The following WNK2 variants were observed in gnomAD, a reference collection of about 807,000 sequenced individuals.
WNK2 encodes serine/threonine-protein kinase WNK2.
WNK2 carries 67 observed loss-of-function variants against 192.1 expected under a neutral mutation model. The observed-to-expected ratio is 0.35, with a 90% CI of 0.29 to 0.43. The LOEUF is 0.43. WNK2 is among the 20% of genes least tolerant of loss of function. The pLI is 1.00. For synonymous variants in WNK2, 1,439 were observed against 1,393.9 expected (o/e 1.03, Z -0.72); for missense variants, 2,698 against 3,089.7 (o/e 0.87, Z 3.01).
chr9:93,308,357 C>T lies in WNK2; in HGVS notation c.6289C>T (p.Pro2097Ser), dbSNP rs771885881. ...CTCCACCAGCAGCCTGGCCCCAGGC[C>T]CTGAGCCAGGCCCCCAGCCCGCCCT... ...RSSTSSLAPG[P>S]EPGPQPALHV... The change falls in exon 28 of 30, where the codon CCT (proline) becomes TCT (serine). Residue 2097 changes from proline to serine, a missense_variant. Transcript: ENST00000427277. The T allele has an allele frequency of 1.3e-6, 2 of 1,556,554 alleles. No homozygotes were observed. The highest frequency in any genetic ancestry group is 2.4e-5 in the South Asian group (2 of 84,346).
Position 93,288,800 on chromosome 9 carries a change from A to G in WNK2, c.4046A>G (p.Tyr1349Cys), listed in dbSNP as rs750482436. The change falls in exon 20 of 30, where the codon TAT becomes TGT. Residue 1349 changes from tyrosine to cysteine, a missense_variant. By Grantham distance (194) the Tyr-to-Cys change is radical (BLOSUM62 -2). Coordinates refer to ENST00000427277, the MANE Select transcript of WNK2 (RefSeq NM_006648.4). Reference sequence around the variant, plus strand: ...CCATTTCTTCTAGATTCAGCGCCCTATAAAGACCAGCTGTCCTCGAAGGAA... The same window carrying G: ...CCATTTCTTCTAGATTCAGCGCCCTGTAAAGACCAGCTGTCCTCGAAGGAA... The part of the protein sequence containing the change: ...PPEASQDSAP[Y>C]KDQLSSKEQP... The G allele has an allele frequency of 1.7e-5, 28 of 1,611,116 alleles. No individual in the cohort carries two copies. Among genetic ancestry groups the G allele is most frequent in the Non-Finnish European group, 2.4e-5 (28 of 1,179,188 alleles).
At chr9:93,197,554 T>A (rs1244040417) in intron 2 of WNK2, among the ~76,000 whole-genome samples, 1 of 151,830 alleles carries the variant, frequency 6.6e-6, no homozygotes, top group Admixed American at 6.6e-5. Context: ...CTTGAGGGAG[T>A]CTTGCTCTGT....
intron 19 of WNK2, among the ~76,000 whole-genome samples, chr9:93,273,453 T>C (rs958355706): frequency 6.6e-6 from 1 of 152,126 alleles, no homozygotes. Context: ...TGTGCCCGGC[T>C]GACATTACGT....
intron 26 of WNK2, 199 bp downstream of exon 26, chr9:93,300,348 C>CA: frequency 1.9e-6 from 1 of 535,564 alleles, no homozygotes; most frequent in South Asian, 2.3e-5. Context: ...CCCCAAGCCC[C>CA]ACACAGCGTG....
Position 93,297,937 on chromosome 9 carries a change from C to T in WNK2, c.5793C>T (p.Pro1931=), listed in dbSNP as rs1471771992. Residue 1931 remains proline, a synonymous_variant, in exon 24 of 30, where the codon CCC becomes CCT. Transcript: ENST00000427277. ...ACCGCCGCCTGGGCAAGCCACTGCC[C>T]CCCAACGTGGGCTTCTTCCACACGG... ...ALYRRLGKPL[P]PNVGFFHTAP... is the part of the protein sequence containing the mutation. 6.3e-7 allele frequency: 1 copy of T among 1,588,992 alleles called. No homozygotes were observed.
chr9:93,264,919 A>G (rs1018670570), intron 16 of WNK2, among the ~76,000 whole-genome samples: 1 of 152,238 alleles, frequency 6.6e-6, no homozygotes, highest in East Asian at 1.9e-4. Flanking sequence ...TGCATTGCAC[A>G]TCATCAGAAA....
At chr9:93,303,481 C>G (rs894382254) in intron 26 of WNK2, among the ~76,000 whole-genome samples, 4 of 152,166 alleles carry the variant, frequency 2.6e-5, no homozygotes, top group African/African-American at 9.7e-5. Flanking sequence ...CTGCACGATG[C>G]CTTCTAGGCC....
chr9:93,227,588 T>C (rs1838034904), intron 2 of WNK2, among the ~76,000 whole-genome samples: 1 of 152,234 alleles, frequency 6.6e-6, no homozygotes, highest in Non-Finnish European at 1.5e-5. Context: ...ACAGGAGTTC[T>C]CTATACATTT....
chr9:93,185,652 G>A (rs1430943648), intron 2 of WNK2, 42 bp downstream of exon 2: 1 of 1,576,642 alleles, frequency 6.3e-7, no homozygotes, highest in Non-Finnish European at 8.6e-7. Context: ...CGCAGGGTCT[G>A]TCCGCGAGTG....
In WNK2 at chr9:93,247,506, A is replaced by G. The variant is rs1841933756; in HGVS notation, c.1543-37A>G. ...AAGGGGTGTGGGCCGGTGAGGGCTGATCCCCAGCGATGCTGACAACATGAC... is the reference window on the plus strand; with the variant it reads ...AAGGGGTGTGGGCCGGTGAGGGCTGGTCCCCAGCGATGCTGACAACATGAC... On this transcript the variant is annotated intron_variant, in intron 7 of 29. Transcript: ENST00000427277. The surrounding 1 kb of genome is among the most constrained non-coding windows in gnomAD (Gnocchi z 5.2). 1 of 1,594,566 alleles carries G rather than the reference A, an allele frequency of 6.3e-7. No homozygotes were observed. Among genetic ancestry groups the G allele is most frequent in the Non-Finnish European group, 8.5e-7 (1 of 1,170,566 alleles).
Position 93,270,950 on chromosome 9 carries a change from G to A in WNK2, c.4033+2204G>A, listed in dbSNP as rs983606697. Among the ~76,000 whole-genome samples the A allele has an allele frequency of 2.6e-5, 4 of 152,128 alleles. No individual in the cohort carries two copies. The East Asian group carries it at 5.8e-4, about 22-fold the overall frequency. On this transcript the variant is annotated intron_variant, in intron 19 of 29. Coordinates refer to ENST00000427277, the MANE Select transcript of WNK2 (RefSeq NM_006648.4). ...CCGCAGAATTGGGTGGTTTCTGTTC[G>A]AAGGTTTGGAAAGGTGAGTCCTAGG... is the stretch of plus-strand genomic sequence containing the variant.
At position 93,213,650 on chromosome 9, in the gene WNK2, A is replaced by G. The variant is rs1469551493; in HGVS notation, c.682-16046A>G. 3.9e-5 allele frequency among the ~76,000 whole-genome samples: 6 copies of G among 152,278 alleles called. No homozygotes were observed. In the East Asian group the frequency reaches 1.2e-3, roughly 29 times the overall value. Reference sequence around the variant, plus strand: ...ACTAAAAATACAAAATTAGCCGGGCATGGTGGCGCATGCCTGTAATCCCAG... The same window carrying G: ...ACTAAAAATACAAAATTAGCCGGGCGTGGTGGCGCATGCCTGTAATCCCAG... On this transcript the variant is annotated intron_variant, in intron 2 of 29. Transcript: ENST00000427277.
chr9:93,268,136 G>A, intron 18 of WNK2, 71 bp downstream of exon 18: 3 of 1,546,352 alleles, frequency 1.9e-6, no homozygotes, highest in Non-Finnish European at 1.7e-6. Flanking sequence ...CATATTACCA[G>A]GGGTTTGGCC....
intron 2 of WNK2, among the ~76,000 whole-genome samples, chr9:93,199,410 C>T (rs1195925384): frequency 6.6e-6 from 1 of 152,158 alleles, no homozygotes; most frequent in Non-Finnish European, 1.5e-5. Context: ...CTGGGCTTGG[C>T]GTCAGGTGGT....
At chr9:93,202,388 T>G (rs955703727) in intron 2 of WNK2, among the ~76,000 whole-genome samples, 1 of 150,352 alleles carries the variant, frequency 6.7e-6, no homozygotes, top group South Asian at 2.1e-4. Context: ...TTTGGCTCGT[T>G]TGCCAGGGAA....
chr9:93,266,422 A>G (rs991552293), intron 16 of WNK2, among the ~76,000 whole-genome samples: 8 of 152,218 alleles, frequency 5.3e-5, no homozygotes. Flanking sequence ...TTTGTTTTCA[A>G]GTTAATTTTA....
At chr9:93,313,830 AAAGT>A (rs796893730) in intron 28 of WNK2, among the ~76,000 whole-genome samples, 19 of 152,338 alleles carry the variant, frequency 1.2e-4, no homozygotes, top group African/African-American at 4.3e-4. Context: ...TTAAAAGATA[AAAGT>A]AAGAAATATA....
intron 9 of WNK2, among the ~76,000 whole-genome samples, 193 bp from the exon 10 acceptor site, chr9:93,256,106 G>T (rs985376527): frequency 1.3e-5 from 2 of 152,162 alleles, no homozygotes; most frequent in Non-Finnish European, 2.9e-5. Context: ...GCTGGGGGCT[G>T]TGCTGTTCCT....
rs1203969788 is a variant in WNK2 at position 93,185,407 on chromosome 9, G to A, written c.478G>A (p.Glu160Lys). Residue 160 changes from glutamate (E) to lysine (K), a missense_variant, in exon 2 of 30, where the codon GAG (glutamate) becomes AAG (lysine). Glu to Lys is a moderately conservative substitution (Grantham distance 56, BLOSUM62 1). Transcript: ENST00000427277. Reference protein sequence around the residue: ...TVRKEDEGAAEAKPEPGRTRR... With the variant: ...TVRKEDEGAAKAKPEPGRTRR... ...GAGGAAGGAGGATGAGGGGGCGGCC[G>A]AGGCGAAGCCTGAGCCCGGGCGCAC... 6.2e-7 allele frequency: 1 copy of A among 1,607,396 alleles called. No homozygotes were observed. The highest frequency in any genetic ancestry group is 8.5e-7 in the Non-Finnish European group (1 of 1,177,700).
Sources: allele counts gnomAD v4.1 joint callset (sites outside exome capture counted in the v4.1 genomes callset), GRCh38; gene constraint gnomAD v4.1.1; non-coding constraint Gnocchi (gnomAD v3.1); transcripts MANE v1.5; gene names NCBI Gene and HGNC (gene_info 2026-07-23, HGNC 2026-07-21).